Variants in CRYBG3 observed in about 807,000 individuals in gnomAD.
CRYBG3 encodes the protein crystallin beta-gamma domain containing 3.
Under a neutral mutation model 244.2 loss-of-function variants are expected in CRYBG3, and 127 were observed. The observed-to-expected ratio is 0.52, with a 90% CI of 0.45 to 0.60. The LOEUF is 0.60. Ranked by LOEUF, CRYBG3 falls within the 20% of genes least tolerant of loss-of-function variation. CRYBG3 has a pLI of 0.00. For synonymous variants in CRYBG3, 1,132 were observed against 1,195.8 expected, an observed-to-expected ratio of 0.95 and a Z score of 1.10; for missense variants, 3,325 against 3,442.5, an observed-to-expected ratio of 0.97 and a Z score of 0.85.
chr3:97,842,371 T>A (rs978604748), intron 1 of CRYBG3, among the ~76,000 whole-genome samples: 1 of 152,098 alleles, frequency 6.6e-6, no homozygotes, highest in Non-Finnish European at 1.5e-5. Context: ...AAGACCAGCC[T>A]GGGCAACATA....
intron 4 of CRYBG3, 74 bp downstream of exon 4, chr3:97,878,111 A>G: frequency 7.4e-7 from 1 of 1,353,530 alleles, no homozygotes; most frequent in Non-Finnish European, 1.0e-6. Context: ...AAGGCTTATT[A>G]AGAAAAGTCA....
rs541652539 is a variant in CRYBG3, at chr3:97,917,485, G to A, written c.8241+1749G>A. On this transcript the variant is annotated intron_variant, in intron 17 of 21. Transcript: ENST00000389622. ...TGAAAATATTTAAAACATCTTTTGC[G>A]AAGATGTGTTATAGCAGCAGGTTTG... is the stretch of plus-strand genomic sequence containing the variant. Among the ~76,000 whole-genome samples the A allele has an allele frequency of 3.3e-5, 5 of 152,186 alleles. No homozygotes were observed. In the East Asian group the frequency reaches 5.8e-4, roughly 18 times the overall value.
At position 97,823,398 on chromosome 3, in the gene CRYBG3, G is replaced by A. The variant is rs531777445; in HGVS notation, c.149+1043G>A. 1.2e-3 allele frequency among the ~76,000 whole-genome samples: 183 copies of A among 152,284 alleles called. 2 individuals carry two copies. The highest frequency in any genetic ancestry group is 4.2e-3 in the African/African-American group (176 of 41,562). ...AACTGAGAGTGAGCCAATTCCATTA[G>A]TATTCAGATTTTGTGATGTGATTTT... On this transcript the variant is annotated intron_variant, in intron 1 of 21. Transcript: ENST00000389622.
At chr3:97,827,897 G>A (rs2108151395) in intron 1 of CRYBG3, among the ~76,000 whole-genome samples, 1 of 152,294 alleles carries the variant, frequency 6.6e-6, no homozygotes, top group Non-Finnish European at 1.5e-5. Flanking sequence ...ACTCGTAAAA[G>A]AAGGCTGCCC....
chr3:97,864,411 A>G lies in CRYBG3; in HGVS notation c.411A>G (p.Leu137=), dbSNP rs182457838. The part of the protein sequence containing the change: ...NLFNISGKSS[L]GEAKQSSFKD... ...TCAATATCTCGGGGAAATCATCTCT[A>G]GGTGAAGCTAAGCAGTCTTCTTTCA... Residue 137 remains leucine, a synonymous_variant, in exon 3 of 22, where the codon CTA becomes CTG. Transcript: ENST00000389622. 3.6e-4 allele frequency: 552 copies of G among 1,535,896 alleles called. 10 individuals carry two copies. In the East Asian group the frequency reaches 0.013, roughly 37 times the overall value.
chr3:97,916,241 C>T (rs184547771), intron 17 of CRYBG3, among the ~76,000 whole-genome samples: 109 of 152,264 alleles, frequency 7.2e-4, no homozygotes, highest in African/African-American at 2.4e-3. Context: ...AGGTAAGTCA[C>T]ATGACAGTTT....
Position 97,896,031 on chromosome 3 carries a change from T to C in CRYBG3, c.7647T>C (p.Ser2549=). The C allele has an allele frequency of 6.2e-7, 1 of 1,613,672 alleles. No individual in the cohort carries two copies. The highest frequency in any genetic ancestry group is 8.5e-7 in the Non-Finnish European group (1 of 1,179,686). ...TTGAAGAAGGAGACTTTGAAGACAG[T>C]AATGCTTGTGGTGCATTAAGTAGCC... is the stretch of plus-strand genomic sequence containing the variant. ...FLLEEGDFED[S]NACGALSSPI... The change falls in exon 12 of 22, where the codon AGT becomes AGC. Residue 2549 remains serine, a synonymous_variant. Transcript: ENST00000389622.
chr3:97,864,695 C>T, intron 3 of CRYBG3, 48 bp downstream of exon 3: 1 of 1,333,290 alleles, frequency 7.5e-7, no homozygotes, highest in South Asian at 1.5e-5. Flanking sequence ...CTTTTTGGAC[C>T]TAGCTTTTGA....
chr3:97,841,190 G>GTGTGTATA, intron 1 of CRYBG3, among the ~76,000 whole-genome samples: 1 of 141,114 alleles, frequency 7.1e-6, no homozygotes, highest in East Asian at 2.0e-4. Context: ...GCTCATATAT[G>GTGTGTATA]TGTGTATATA....
At position 97,899,210 on chromosome 3, in the gene CRYBG3, T is replaced by C; in HGVS notation, c.7918T>C (p.Phe2640Leu). The C allele has an allele frequency of 6.2e-7, 1 of 1,613,946 alleles. No individual in the cohort carries two copies. Among genetic ancestry groups the C allele is most frequent in the Non-Finnish European group, 8.5e-7 (1 of 1,179,904 alleles). Reference protein sequence around the residue: ...ILEKGKYKCFFDWGGSNNIIM... With the variant: ...ILEKGKYKCFLDWGGSNNIIM... Reference sequence around the variant, plus strand: ...AGAAAAAGGGAAATACAAATGCTTTTTTGACTGGGGAGGATCAAATAATAT... The same window carrying C: ...AGAAAAAGGGAAATACAAATGCTTTCTTGACTGGGGAGGATCAAATAATAT... The change falls in exon 14 of 22, where the codon TTT becomes CTT. Residue 2640 changes from phenylalanine (F) to leucine (L), a missense_variant. Transcript: ENST00000389622.
chr3:97,875,707 G>GA lies in CRYBG3; in HGVS notation c.4520dup (p.Asn1507LysfsTer7). On this transcript the variant is annotated frameshift_variant, in exon 4 of 22. Coordinates refer to ENST00000389622, the MANE Select transcript of CRYBG3 (RefSeq NM_153605.4). LOFTEE classifies it high-confidence loss of function. ...GTCTGATAGCCTTGTATGTATATCT[G>GA]AAAAAAACTTGCCAGGACACAGTAA... The GA allele has an allele frequency of 2.4e-6, 3 of 1,232,162 alleles. No homozygotes were observed. The highest frequency in any genetic ancestry group is 3.0e-6 in the Non-Finnish European group (3 of 988,122). 76.3% of individuals were successfully genotyped at this position (1,232,162 alleles called of 1,614,324 possible).
Position 97,874,036 on chromosome 3 carries a change from CATG to C in CRYBG3, c.2847_2849del (p.Asp949del). 1.3e-6 allele frequency: 2 copies of C among 1,535,762 alleles called. No individual in the cohort carries two copies. The highest frequency in any genetic ancestry group is 1.7e-6 in the Non-Finnish European group (2 of 1,146,816). ...TATATCTTGGATTTTACCACCTATTCATGATGAAAAAATCAGTAGGCAAATGGC... is the reference window on the plus strand; with the variant it reads ...TATATCTTGGATTTTACCACCTATTCATGAAAAAATCAGTAGGCAAATGGC... On this transcript the variant is annotated inframe_deletion, in exon 4 of 22. Coordinates refer to ENST00000389622, the MANE Select transcript of CRYBG3 (RefSeq NM_153605.4).
At position 97,850,214 on chromosome 3, in the gene CRYBG3, G is replaced by A. The variant is rs142023067; in HGVS notation, c.216+6953G>A. On this transcript the variant is annotated intron_variant, in intron 2 of 21. Transcript: ENST00000389622. ...TCCCATTGAACTAAGGCCCATCAAC[G>A]GCCCTTCCTTCATACGCATACCCAT... Among the ~76,000 whole-genome samples the A allele has an allele frequency of 8.6e-5, 13 of 152,030 alleles. 1 individual carries two copies. Among genetic ancestry groups the A allele is most frequent in the Admixed American group, 2.6e-4 (4 of 15,272 alleles).
intron 16 of CRYBG3, among the ~76,000 whole-genome samples, chr3:97,915,244 C>T (rs977217167): frequency 6.6e-6 from 1 of 152,110 alleles, no homozygotes; most frequent in African/African-American, 2.4e-5. Context: ...GCTTAAAGCA[C>T]ACATTGTCTT....
intron 14 of CRYBG3, among the ~76,000 whole-genome samples, chr3:97,899,677 G>C (rs756916636): frequency 6.6e-6 from 1 of 152,142 alleles, no homozygotes; most frequent in Non-Finnish European, 1.5e-5. Flanking sequence ...CAGTGCCTGG[G>C]GAATTGAAGA....
At chr3:97,900,871 C>T (rs1271849522) in intron 15 of CRYBG3, among the ~76,000 whole-genome samples, 2 of 152,158 alleles carry the variant, frequency 1.3e-5, no homozygotes, top group African/African-American at 2.4e-5. Context: ...ATTATGTACA[C>T]GTATTTCTAA....
rs1478491837 is a variant in CRYBG3, at chr3:97,904,243, G to T, written c.8004+3758G>T. ...TTGTTCTATTTTGAGGATTGATAAG[G>T]TGATCAAAGTGAGGCATATTTTTGT... is the stretch of plus-strand genomic sequence containing the variant. On this transcript the variant is annotated intron_variant, in intron 15 of 21. Coordinates refer to ENST00000389622, the MANE Select transcript of CRYBG3 (RefSeq NM_153605.4). Among the ~76,000 whole-genome samples the T allele has an allele frequency of 5.9e-5, 9 of 152,232 alleles. No homozygotes were observed. In the South Asian group the frequency reaches 1.5e-3, roughly 25 times the overall value.
rs1428882083 is a variant in CRYBG3 at position 97,912,344 on chromosome 3, TA to T, written c.8114+69del. 9.0e-6 allele frequency: 7 copies of T among 782,008 alleles called. No individual in the cohort carries two copies. In the East Asian group the frequency reaches 1.8e-4, roughly 20 times the overall value. The allele number at this position is 782,008 out of a possible 1,614,324, so 48.4% of individuals were successfully genotyped here. ...TAATACTTTTAAATTTACAGAGATA[TA>T]TTTTTTGCATGCACAGTGAATCCTT... On this transcript the variant is annotated intron_variant, in intron 16 of 21. Coordinates refer to ENST00000389622, the MANE Select transcript of CRYBG3 (RefSeq NM_153605.4).
At chr3:97,835,152 A>C (rs1486037256) in intron 1 of CRYBG3, among the ~76,000 whole-genome samples, 1 of 152,286 alleles carries the variant, frequency 6.6e-6, no homozygotes, top group East Asian at 1.9e-4. Context: ...ATAATTTAAA[A>C]TATAATTATT....
Sources: gnomAD v4.1 joint callset for allele counts (sites outside exome capture counted in the v4.1 genomes callset) on GRCh38, gnomAD v4.1.1 for gene constraint, MANE v1.5 for transcripts, NCBI Gene and HGNC (gene_info 2026-07-23, HGNC 2026-07-21) for gene names.